Variants in PROX1 observed in about 807,000 individuals in gnomAD.
PROX1 encodes the protein prospero homeobox protein 1.
In PROX1, 7 loss-of-function variants were observed where a neutral mutation model predicts 58.8. The ratio of observed to expected loss-of-function variants is 0.12; its 90% CI spans 0.07 to 0.22. The LOEUF is 0.22. Among genes scored for constraint, PROX1 ranks in the 10% least tolerant of loss-of-function variants. The pLI is 1.00. For missense variants in PROX1, 675 were observed against 927.8 expected, an observed-to-expected ratio of 0.73 and a Z score of 3.54; for synonymous variants, 350 against 358.3, an observed-to-expected ratio of 0.98 and a Z score of 0.26.
At chr1:213,991,632 C>T (rs1297234057) in intron 1 of PROX1, among the ~76,000 whole-genome samples, 4 of 152,206 alleles carry the variant, frequency 2.6e-5, no homozygotes, top group Non-Finnish European at 4.4e-5. Flanking sequence ...GCATACATAA[C>T]ATGCATCTTT....
chr1:214,008,850 C>T (rs1230434666), intron 3 of PROX1, among the ~76,000 whole-genome samples: 1 of 152,138 alleles, frequency 6.6e-6, no homozygotes, highest in Non-Finnish European at 1.5e-5. Flanking sequence ...CAACTTAATT[C>T]CCTCATAATG....
chr1:214,024,099 G>A (rs773011179), intron 4 of PROX1, among the ~76,000 whole-genome samples: 1 of 152,126 alleles, frequency 6.6e-6, no homozygotes. Flanking sequence ...CAGCATCCTA[G>A]GTTGTCCCAC....
chr1:214,024,310 A>T (rs958394755), intron 4 of PROX1, among the ~76,000 whole-genome samples: 1 of 152,224 alleles, frequency 6.6e-6, no homozygotes, highest in African/African-American at 2.4e-5. Context: ...AGAGAAAGAC[A>T]AATAGAATTC....
chr1:213,997,923 C>A lies in PROX1; in HGVS notation c.1388C>A (p.Pro463His). The change falls in exon 2 of 5, where the codon CCC becomes CAC. Residue 463 changes from proline (P) to histidine (H), a missense_variant. Transcript: ENST00000366958. This position sits in a 1 kb window ranked among gnomAD's most constrained non-coding sequence, Gnocchi z 7.1. The part of the protein sequence containing the change: ...SGPAAGGHHQ[P>H]LHQSPLSATT... ...CCTGCCGCTGGCGGCCACCACCAGC[C>A]CCTGCACCAGTCGCCTCTCTCTGCC... 1 of 1,613,552 alleles carries A rather than the reference C, an allele frequency of 6.2e-7. No homozygotes were observed. The highest frequency in any genetic ancestry group is 8.5e-7 in the Non-Finnish European group (1 of 1,179,726).
chr1:214,031,313 G>T (rs1664649019), intron 4 of PROX1, among the ~76,000 whole-genome samples: 1 of 152,102 alleles, frequency 6.6e-6, no homozygotes, highest in Admixed American at 6.5e-5. Context: ...ACCATCTGGG[G>T]TGACGTTCCT....
rs1663301143 is a variant in PROX1, at chr1:213,997,230, A to G, written c.695A>G (p.Lys232Arg). The G allele has an allele frequency of 6.2e-7, 1 of 1,612,772 alleles. No individual in the cohort carries two copies. Among genetic ancestry groups the G allele is most frequent in the African/African-American group, 1.3e-5 (1 of 74,764 alleles). ...CTGGTTTCAGCCCGAAAAGAACAGA[A>G]GCGAGAGGAGCGCCGACAGCTGAAA... ...QQLVSARKEQKREERRQLKQQ... is the reference protein window; with the variant it reads ...QQLVSARKEQRREERRQLKQQ... Residue 232 changes from lysine to arginine, a missense_variant, in exon 2 of 5, where the codon AAG becomes AGG. By Grantham distance (26) the Lys-to-Arg change is conservative. This residue lies in a region of PROX1 where 403 missense variants were observed against 477.4 expected (regional missense o/e 0.84). Coordinates refer to ENST00000366958, the MANE Select transcript of PROX1 (RefSeq NM_001270616.2). This position sits in a 1 kb window ranked among gnomAD's most constrained non-coding sequence, Gnocchi z 7.1.
chr1:214,040,344 T>C lies in PROX1; in HGVS notation c.*4510T>C, dbSNP rs1664969898. 6.6e-6 allele frequency: 1 copy of C among 152,186 alleles called. No homozygotes were observed. Among genetic ancestry groups the C allele is most frequent in the Admixed American group, 6.5e-5 (1 of 15,280 alleles). The allele number at this position is 152,186 out of a possible 1,614,324, so 9.4% of individuals were successfully genotyped here. On this transcript the variant is annotated 3_prime_UTR_variant, in exon 5 of 5. Coordinates refer to ENST00000366958, the MANE Select transcript of PROX1 (RefSeq NM_001270616.2). ...GACTTTGAGTCTTTTCAACTGAGCC[T>C]TCTCTCAAATCTGACACCCCCTCAG... is the stretch of plus-strand genomic sequence containing the variant.
At chr1:214,005,487 G>C (rs538005083) in intron 3 of PROX1, among the ~76,000 whole-genome samples, 6 of 152,250 alleles carry the variant, frequency 3.9e-5, no homozygotes, top group African/African-American at 1.4e-4. Flanking sequence ...AAGTTGCATG[G>C]GTTTCCAATG....
chr1:214,029,336 A>C (rs752675115), intron 4 of PROX1: 14 of 152,178 alleles, frequency 9.2e-5, no homozygotes, highest in Non-Finnish European at 1.5e-4. Context: ...TTATACCGTT[A>C]AGGAGCTAAT....
intron 4 of PROX1, among the ~76,000 whole-genome samples, chr1:214,031,246 T>C (rs767952879): frequency 2.0e-5 from 3 of 152,100 alleles, no homozygotes; most frequent in African/African-American, 4.8e-5. Context: ...CCTTCAAATT[T>C]ATGCATATCT....
chr1:214,004,800 T>A (rs1442181791), intron 2 of PROX1, among the ~76,000 whole-genome samples: 6 of 152,100 alleles, frequency 3.9e-5, no homozygotes, highest in Non-Finnish European at 8.8e-5. Flanking sequence ...AAAAAAAACC[T>A]CTTATGACAA....
chr1:214,033,260 G>A lies in PROX1; in HGVS notation c.2029-2389G>A, dbSNP rs1032948400. Among the ~76,000 whole-genome samples the A allele has an allele frequency of 9.9e-5, 15 of 152,178 alleles. 1 individual carries two copies. The highest frequency in any genetic ancestry group is 2.0e-4 in the Admixed American group (3 of 15,282). ...AGAATTTCACTGAGGCTGTATTGCC[G>A]TTGGCTGATGAAACCACCCTTCTTG... On this transcript the variant is annotated intron_variant, in intron 4 of 4. Coordinates refer to ENST00000366958, the MANE Select transcript of PROX1 (RefSeq NM_001270616.2).
At position 213,995,511 on chromosome 1, in the gene PROX1, C is replaced by A. The variant is rs139898211; in HGVS notation, c.-67-958C>A. 9.1e-4 allele frequency among the ~76,000 whole-genome samples: 137 copies of A among 151,252 alleles called. 1 individual carries two copies. Among genetic ancestry groups the A allele is most frequent in the African/African-American group, 3.3e-3 (135 of 41,224 alleles). On this transcript the variant is annotated intron_variant, in intron 1 of 4. Transcript: ENST00000366958. ...GCACAGGAAATAAGGTTCACAAATC[C>A]TGTATGTTAAAGAGTTTCTTTGGGC...
At chr1:214,004,346 G>A (rs1663630785) in intron 2 of PROX1, among the ~76,000 whole-genome samples, 1 of 152,154 alleles carries the variant, frequency 6.6e-6, no homozygotes, top group Non-Finnish European at 1.5e-5. Flanking sequence ...AGGTAATGAT[G>A]TTTCCAGATA....
At chr1:213,984,995 A>G (rs1226711487), upstream of PROX1, 3 of 152,284 alleles carry the variant, frequency 2.0e-5, no homozygotes, top group East Asian at 3.9e-4. Context: ...GGCGAAGTGT[A>G]TTTAACCCAG....
At chr1:213,998,716 TAAG>T (rs991828661) in intron 2 of PROX1, among the ~76,000 whole-genome samples, 5 of 152,198 alleles carry the variant, frequency 3.3e-5, no homozygotes, top group African/African-American at 1.2e-4. Context: ...TAAGATCCCA[TAAG>T]AAGAATTCTC....
At chr1:214,019,946 G>A (rs529884213) in intron 4 of PROX1, among the ~76,000 whole-genome samples, 60 of 152,080 alleles carry the variant, frequency 3.9e-4, no homozygotes, top group Admixed American at 3.7e-3. Context: ...CAGTTTTCTT[G>A]CCCAAATCAC....
chr1:213,984,812 C>T (rs1453702229), upstream of PROX1: 2 of 152,952 alleles, frequency 1.3e-5, no homozygotes, highest in African/African-American at 4.8e-5. Context: ...TCCACGTCCA[C>T]TTTTGCCTCT....
intron 4 of PROX1, among the ~76,000 whole-genome samples, chr1:214,031,731 G>A (rs1315700602): frequency 6.6e-6 from 1 of 152,164 alleles, no homozygotes; most frequent in Non-Finnish European, 1.5e-5. Flanking sequence ...GATAAGACTG[G>A]TTTCTAAGAT....
Sources: allele counts gnomAD v4.1 joint callset (sites outside exome capture counted in the v4.1 genomes callset), GRCh38; gene constraint gnomAD v4.1.1; regional missense constraint gnomAD v4.1.1; non-coding constraint Gnocchi (gnomAD v3.1); transcripts MANE v1.5; gene names NCBI Gene and HGNC (gene_info 2026-07-23, HGNC 2026-07-21).